BRAF: variants seen among roughly 807,000 people sequenced by gnomAD.
BRAF encodes B-Raf proto-oncogene, serine/threonine kinase.
A neutral mutation model predicts 104.6 loss-of-function variants in BRAF; 16 were observed. The ratio of observed to expected loss-of-function variants is 0.15; its 90% CI spans 0.10 to 0.23. BRAF has a LOEUF of 0.23. Ranked by LOEUF, BRAF falls within the 10% of genes least tolerant of loss-of-function variation. The pLI is 1.00. For synonymous variants in BRAF, 310 were observed against 341.6 expected, an observed-to-expected ratio of 0.91 and a Z score of 1.02; for missense variants, 541 against 937.3, an observed-to-expected ratio of 0.58 and a Z score of 5.52.
intron 2 of BRAF, among the ~76,000 whole-genome samples, chr7:140,843,397 T>G (rs931163240): frequency 2.6e-5 from 4 of 152,224 alleles, no homozygotes; most frequent in Non-Finnish European, 5.9e-5. Context: ...CTGACCTGTG[T>G]AGAACTAGTC....
chr7:140,793,101 G>C (rs559700989), intron 8 of BRAF, among the ~76,000 whole-genome samples: 2 of 152,322 alleles, frequency 1.3e-5, no homozygotes, highest in South Asian at 4.1e-4. Flanking sequence ...GTGATACCCT[G>C]TGACTGGTTA....
At chr7:140,877,525 G>C (rs1812405880) in intron 1 of BRAF, among the ~76,000 whole-genome samples, 1 of 151,894 alleles carries the variant, frequency 6.6e-6, no homozygotes, top group African/African-American at 2.4e-5. Context: ...ATAAAAAGCA[G>C]AAATCCATGA....
intron 1 of BRAF, among the ~76,000 whole-genome samples, chr7:140,866,976 T>C (rs1312543630): frequency 1.3e-5 from 2 of 152,204 alleles, no homozygotes; most frequent in Non-Finnish European, 2.9e-5. Flanking sequence ...CTTTGTCCCT[T>C]TGAAAAAATA....
At chr7:140,807,028 T>C (rs566460495) in intron 5 of BRAF, among the ~76,000 whole-genome samples, 1 of 152,346 alleles carries the variant, frequency 6.6e-6, no homozygotes, top group African/African-American at 2.4e-5. Context: ...AATGTATTCC[T>C]GATTCAGAGA....
chr7:140,727,562 T>C (rs563780420), intron 19 of BRAF, among the ~76,000 whole-genome samples: 2 of 152,286 alleles, frequency 1.3e-5, no homozygotes, highest in Admixed American at 6.5e-5. Flanking sequence ...CACACCATAG[T>C]TAATTTCTGG....
chr7:140,720,182 T>C lies in BRAF; in HGVS notation c.*6312A>G, dbSNP rs932951131. 1.3e-5 allele frequency: 14 copies of C among 1,062,478 alleles called. No individual in the cohort carries two copies. The African/African-American group carries it at 1.8e-4, about 14-fold the overall frequency. The allele number at this position is 1,062,478 out of a possible 1,614,324, so 65.8% of individuals were successfully genotyped here. A position where few individuals can be genotyped will look rare whatever the true frequency, so the allele number is the denominator to read the frequency against. On this transcript the variant is annotated 3_prime_UTR_variant, in exon 20 of 20. Transcript: ENST00000644969. ...ATCTTAGGAAAGGCAGCAATTGCCA[T>C]GTTGAGGAAAGGATCAGATGTACAA...
intron 4 of BRAF, 152 bp from the exon 5 acceptor site, chr7:140,808,214 C>A: frequency 1.4e-6 from 1 of 691,604 alleles, no homozygotes; most frequent in South Asian, 1.5e-5. Flanking sequence ...ATTTAAATGG[C>A]AATAAATTAA....
chr7:140,919,008 AGGC>A (rs1817919848), intron 1 of BRAF, among the ~76,000 whole-genome samples: 3 of 151,748 alleles, frequency 2.0e-5, no homozygotes, highest in African/African-American at 7.3e-5. Flanking sequence ...GCGTGGTGGC[AGGC>A]GCCTGTAGTC....
intron 2 of BRAF, among the ~76,000 whole-genome samples, chr7:140,843,413 A>G (rs1488624447): frequency 6.6e-6 from 1 of 152,134 alleles, no homozygotes; most frequent in Non-Finnish European, 1.5e-5. Context: ...TAGTCTTACA[A>G]TAATTTACCT....
intron 1 of BRAF, among the ~76,000 whole-genome samples, chr7:140,860,411 T>C (rs547653057): frequency 1.4e-4 from 20 of 141,208 alleles, no homozygotes; most frequent in Admixed American, 1.3e-3. Context: ...CCTGGTACAA[T>C]GGCTCATCCC....
At chr7:140,826,078 T>C (rs1212803467) in intron 3 of BRAF, among the ~76,000 whole-genome samples, 1 of 152,216 alleles carries the variant, frequency 6.6e-6, no homozygotes, top group African/African-American at 2.4e-5. Flanking sequence ...ATAACTCTCT[T>C]TCTTCACTTT....
chr7:140,719,404 C>T lies in BRAF; in HGVS notation c.*7090G>A, dbSNP rs1795216416. 2 of 1,007,278 alleles carry T rather than the reference C, an allele frequency of 2.0e-6. No individual in the cohort carries two copies. The highest frequency in any genetic ancestry group is 6.3e-5 in the East Asian group (1 of 15,970). 62.4% of individuals were successfully genotyped at this position (1,007,278 alleles called of 1,614,324 possible). On this transcript the variant is annotated 3_prime_UTR_variant, in exon 20 of 20. Coordinates refer to ENST00000644969, the MANE Select transcript of BRAF (RefSeq NM_001374258.1). ...CATCAAGTACATAGAACTTTTTTTG[C>T]CTTTTATATAATACAGTTTTTAAAT...
intron 1 of BRAF, among the ~76,000 whole-genome samples, chr7:140,919,137 A>G (rs1490498864): frequency 7.3e-6 from 1 of 136,816 alleles, no homozygotes. Context: ...ACAGAGCGAG[A>G]CTCCGTCTCA....
intron 1 of BRAF, among the ~76,000 whole-genome samples, chr7:140,859,746 A>T (rs1020123983): frequency 7.6e-5 from 11 of 143,918 alleles, no homozygotes; most frequent in African/African-American, 2.6e-4. Flanking sequence ...CGAGTGCAGT[A>T]GCATGATCTC....
Position 140,860,190 on chromosome 7 carries a change from T to C in BRAF, c.139-9978A>G, listed in dbSNP as rs1810252305. On this transcript the variant is annotated intron_variant, in intron 1 of 19. Coordinates refer to ENST00000644969, the MANE Select transcript of BRAF (RefSeq NM_001374258.1). Reference sequence around the variant, plus strand: ...TATTTACACAGCATATGGTTCACATTGGCATTATAATTTAGTGGGGAACAG... The same window carrying C: ...TATTTACACAGCATATGGTTCACATCGGCATTATAATTTAGTGGGGAACAG... Among the ~76,000 whole-genome samples the C allele has an allele frequency of 2.0e-5, 3 of 152,168 alleles. No individual in the cohort carries two copies. In the South Asian group the frequency reaches 6.2e-4, roughly 31 times the overall value.
rs111961309 is a variant in BRAF, at chr7:140,878,415, T to C, written c.139-28203A>G. ...CGAGCAACAAAAAAAAACTGACAAATCATTCTTCAACAAAATTAAAACCTT... is the reference window on the plus strand; with the variant it reads ...CGAGCAACAAAAAAAAACTGACAAACCATTCTTCAACAAAATTAAAACCTT... On this transcript the variant is annotated intron_variant, in intron 1 of 19. Coordinates refer to ENST00000644969, the MANE Select transcript of BRAF (RefSeq NM_001374258.1). 7.7e-3 allele frequency among the ~76,000 whole-genome samples: 1,173 copies of C among 152,078 alleles called. 18 individuals are homozygous for C. Among genetic ancestry groups the C allele is most frequent in the African/African-American group, 0.027 (1,107 of 41,474 alleles).
downstream of BRAF, chr7:140,719,320 G>C: frequency 1.1e-6 from 1 of 944,476 alleles, no homozygotes; most frequent in Non-Finnish European, 1.3e-6. Context: ...TAGAAAAATA[G>C]TCTTGATGAA....
At chr7:140,714,191 CG>C in the BRAF span, among the ~76,000 whole-genome samples, 1 of 152,206 alleles carries the variant, frequency 6.6e-6, no homozygotes, top group Non-Finnish European at 1.5e-5. Context: ...GAGCTGCAGA[CG>C]GGAGCTGTTC....
downstream of BRAF, chr7:140,719,318 T>C (rs1014579270): frequency 2.1e-6 from 2 of 931,052 alleles, no homozygotes; most frequent in African/African-American, 3.6e-5. Flanking sequence ...GTTAGAAAAA[T>C]AGTCTTGATG....
Sources: gnomAD v4.1 joint callset for allele counts (sites outside exome capture counted in the v4.1 genomes callset) on GRCh38, gnomAD v4.1.1 for gene constraint, MANE v1.5 for transcripts, NCBI Gene and HGNC (gene_info 2026-07-23, HGNC 2026-07-21) for gene names.